The following NUP210L variants were observed in gnomAD, a reference collection of about 807,000 sequenced individuals.
NUP210L encodes nuclear pore membrane glycoprotein 210-like.
Under a neutral mutation model 208.5 loss-of-function variants are expected in NUP210L, and 74 were observed. The observed-to-expected ratio is 0.35, with a 90% CI of 0.29 to 0.43. The LOEUF is 0.43. Among genes scored for constraint, NUP210L ranks in the 20% least tolerant of loss-of-function variants. The pLI, the probability that NUP210L is intolerant of heterozygous loss-of-function variation, is 1.00. For missense variants in NUP210L, 1,843 were observed against 2,289.4 expected (o/e 0.81, Z 3.98); for synonymous variants, 780 against 816.9 (o/e 0.95, Z 0.77).
chr1:154,049,095 A>T (rs1223726124), intron 25 of NUP210L, among the ~76,000 whole-genome samples: 2 of 152,216 alleles, frequency 1.3e-5, no homozygotes, highest in Admixed American at 1.3e-4. Context: ...GGACATTTCA[A>T]TCATTTCTCT....
At chr1:154,055,596 A>G (rs965726714) in intron 23 of NUP210L, among the ~76,000 whole-genome samples, 5 of 152,132 alleles carry the variant, frequency 3.3e-5, no homozygotes, top group African/African-American at 9.6e-5. Context: ...GGGTCTCCCT[A>G]TGTTACCCAG....
chr1:154,108,684 A>G (rs968436489), intron 12 of NUP210L, among the ~76,000 whole-genome samples: 1 of 151,800 alleles, frequency 6.6e-6, no homozygotes, highest in Non-Finnish European at 1.5e-5. Flanking sequence ...AAGGAAGAGA[A>G]GACCACAAAA....
chr1:154,098,752 C>T (rs1041688128), intron 14 of NUP210L, among the ~76,000 whole-genome samples: 4 of 152,164 alleles, frequency 2.6e-5, no homozygotes, highest in African/African-American at 4.8e-5. Flanking sequence ...CTCTGGTCTG[C>T]GGGACTGGCA....
At chr1:154,152,042 A>G (rs926633839) in intron 2 of NUP210L, among the ~76,000 whole-genome samples, 1 of 145,316 alleles carries the variant, frequency 6.9e-6, no homozygotes, top group Non-Finnish European at 1.5e-5. Flanking sequence ...GTGAGCCAAG[A>G]TCACGCCACT....
At chr1:154,021,529 G>A (rs939906698) in intron 32 of NUP210L, among the ~76,000 whole-genome samples, 7 of 151,544 alleles carry the variant, frequency 4.6e-5, no homozygotes, top group Non-Finnish European at 5.9e-5. Flanking sequence ...AGTTTATCCG[G>A]GTAAAAGAAA....
intron 5 of NUP210L, 72 bp downstream of exon 5, chr1:154,139,730 A>G: frequency 8.4e-7 from 1 of 1,191,886 alleles, no homozygotes; most frequent in Non-Finnish European, 1.2e-6. Flanking sequence ...TTCTTGTAGT[A>G]CCTGGGCAAC....
At chr1:154,018,699 C>T (rs1438891364) in intron 33 of NUP210L, among the ~76,000 whole-genome samples, 2 of 152,152 alleles carry the variant, frequency 1.3e-5, no homozygotes, top group East Asian at 3.8e-4. Flanking sequence ...ACCCTGGTGT[C>T]TAGTGTCTAG....
At chr1:154,064,136 G>C (rs1009469478) in intron 17 of NUP210L, among the ~76,000 whole-genome samples, 2 of 151,836 alleles carry the variant, frequency 1.3e-5, no homozygotes, top group South Asian at 4.2e-4. Context: ...GGGCTTAAGT[G>C]ATTCTCTTGC....
At chr1:154,090,581 T>G (rs1259314105) in intron 15 of NUP210L, among the ~76,000 whole-genome samples, 1 of 152,050 alleles carries the variant, frequency 6.6e-6, no homozygotes, top group Admixed American at 6.6e-5. Context: ...GAGGCTGAGG[T>G]GGGCAGATCA....
intron 10 of NUP210L, among the ~76,000 whole-genome samples, chr1:154,119,020 G>T (rs919719630): frequency 3.3e-5 from 5 of 151,960 alleles, no homozygotes; most frequent in Non-Finnish European, 2.9e-5. Context: ...AATGAAAAGG[G>T]TTTTGCTAGA....
intron 23 of NUP210L, among the ~76,000 whole-genome samples, chr1:154,056,207 A>G (rs957980084): frequency 2.0e-5 from 3 of 152,170 alleles, no homozygotes; most frequent in African/African-American, 7.2e-5. Flanking sequence ...ACTGAAGTGC[A>G]GTGGCACGAT....
intron 15 of NUP210L, among the ~76,000 whole-genome samples, chr1:154,092,711 G>T (rs997978044): frequency 6.6e-6 from 1 of 150,668 alleles, no homozygotes; most frequent in Non-Finnish European, 1.5e-5. Flanking sequence ...AATGGGTATA[G>T]AGTTTCTATA....
rs1462037382 is a variant in NUP210L, at chr1:154,001,036, C to T, written c.5206G>A (p.Val1736Met). ...GGAGAGTGGCTATGGCCAGCGACCA[C>T]TAGAACTGGGGAGCTGGAGATGACC... Residue 1736 changes from valine (V) to methionine (M), a missense_variant, in exon 37 of 40, where the codon GTG (valine) becomes ATG (methionine). By Grantham distance (21) the Val-to-Met change is conservative. Transcript: ENST00000368559. 3.7e-6 allele frequency: 6 copies of T among 1,613,988 alleles called. No individual in the cohort carries two copies. The highest frequency in any genetic ancestry group is 2.2e-5 in the South Asian group (2 of 91,084).
chr1:154,017,828 A>G (rs1651347540), intron 33 of NUP210L, among the ~76,000 whole-genome samples: 1 of 151,896 alleles, frequency 6.6e-6, no homozygotes, highest in Non-Finnish European at 1.5e-5. Context: ...GTTGTTTCTT[A>G]TAAGTCTTTC....
At chr1:154,106,644 C>T (rs1421050801) in intron 12 of NUP210L, among the ~76,000 whole-genome samples, 3 of 152,218 alleles carry the variant, frequency 2.0e-5, no homozygotes, top group Non-Finnish European at 2.9e-5. Context: ...CCCCCAGCTC[C>T]AGACAGCTTA....
rs186980175 is a variant in NUP210L, at chr1:154,112,075, G to A, written c.1620+5650C>T. On this transcript the variant is annotated intron_variant, in intron 12 of 39. Transcript: ENST00000368559. ...CCCGAGTAGCTGGGACTATAGGTGC[G>A]CACCACCATGCCTGACTAATTTTTT... Among the ~76,000 whole-genome samples the A allele has an allele frequency of 5.3e-5, 8 of 151,362 alleles. No individual in the cohort carries two copies. In the East Asian group the frequency reaches 7.7e-4, roughly 15 times the overall value.
At position 154,014,811 on chromosome 1, in the gene NUP210L, C is replaced by A. The variant is rs529280553; in HGVS notation, c.4654-2441G>T. ...TTCAGGCCAGGAGTTTGACACCAGC[C>A]TGGCCAACATGGCAAAACCCTGCCT... On this transcript the variant is annotated intron_variant, in intron 33 of 39. Transcript: ENST00000368559. Among the ~76,000 whole-genome samples the A allele has an allele frequency of 2.0e-5, 3 of 152,158 alleles. No individual in the cohort carries two copies. The East Asian group carries it at 5.8e-4, about 29-fold the overall frequency.
At chr1:154,149,965 T>C (rs1325652552) in intron 2 of NUP210L, among the ~76,000 whole-genome samples, 1 of 152,206 alleles carries the variant, frequency 6.6e-6, no homozygotes, top group East Asian at 1.9e-4. Context: ...GGTTGGCTCA[T>C]GGCTATAATC....
intron 27 of NUP210L, among the ~76,000 whole-genome samples, chr1:154,043,819 G>A (rs1168264551): frequency 6.6e-6 from 1 of 151,348 alleles, no homozygotes; most frequent in Non-Finnish European, 1.5e-5. Flanking sequence ...TAGAGACGGG[G>A]TTACACCATG....
Sources: allele counts gnomAD v4.1 joint callset (sites outside exome capture counted in the v4.1 genomes callset), GRCh38; gene constraint gnomAD v4.1.1; transcripts MANE v1.5; gene names NCBI Gene and HGNC (gene_info 2026-07-23, HGNC 2026-07-21).